TLN2: variants seen among roughly 807,000 people sequenced by gnomAD.
The protein encoded by TLN2 is talin 2, also known as talin-2.
TLN2 carries 118 observed loss-of-function variants against 294.7 expected under a neutral mutation model. The ratio of observed to expected loss-of-function variants is 0.40; its 90% CI spans 0.34 to 0.47. The LOEUF is 0.47. Among genes scored for constraint, TLN2 ranks in the 20% least tolerant of loss-of-function variants. The probability of loss-of-function intolerance (pLI) is 0.84; values close to 1 mark genes in which losing one functional copy is unlikely to be tolerated. For missense variants in TLN2, 3,083 were observed against 3,282.2 expected (o/e 0.94, Z 1.48); for synonymous variants, 1,431 against 1,304.5 (o/e 1.10, Z -2.09).
intron 15 of TLN2, among the ~76,000 whole-genome samples, chr15:62,698,105 G>A (rs1459746839): frequency 6.6e-6 from 1 of 152,208 alleles, no homozygotes; most frequent in Non-Finnish European, 1.5e-5. Flanking sequence ...TGTGTACAGG[G>A]ACAGAACTCT....
At chr15:62,619,070 G>A (rs1479157501) in intron 3 of TLN2, among the ~76,000 whole-genome samples, 1 of 150,968 alleles carries the variant, frequency 6.6e-6, no homozygotes, top group African/African-American at 2.4e-5. Flanking sequence ...ATGTTTCTTG[G>A]ATGCTGAGAT....
chr15:62,683,510 TGGTAGAATG>T (rs2057028988), intron 11 of TLN2, among the ~76,000 whole-genome samples: 1 of 137,454 alleles, frequency 7.3e-6, no homozygotes, highest in Non-Finnish European at 1.6e-5. Context: ...CGCCTCTCAT[TGGTAGAATG>T]CCTGCATTCT....
At chr15:62,594,630 A>G (rs1373271084) in intron 2 of TLN2, among the ~76,000 whole-genome samples, 1 of 152,350 alleles carries the variant, frequency 6.6e-6, no homozygotes, top group African/African-American at 2.4e-5. Flanking sequence ...ATTAGACCAT[A>G]TCTCACATTA....
At chr15:62,816,346 A>G (rs932337610) in intron 52 of TLN2, among the ~76,000 whole-genome samples, 2 of 152,246 alleles carry the variant, frequency 1.3e-5, no homozygotes, top group African/African-American at 4.8e-5. Context: ...TCACAGTTCA[A>G]TATTTCTGCA....
chr15:62,446,550 T>C (rs1298921782), intron 1 of TLN2, among the ~76,000 whole-genome samples: 1 of 152,230 alleles, frequency 6.6e-6, no homozygotes, highest in Non-Finnish European at 1.5e-5. Flanking sequence ...ACTTGGGTTC[T>C]AGTCATGGTT....
At chr15:62,630,445 GGT>G (rs1362149148) in intron 3 of TLN2, among the ~76,000 whole-genome samples, 1 of 152,160 alleles carries the variant, frequency 6.6e-6, no homozygotes, top group Non-Finnish European at 1.5e-5. Context: ...CTGGCCCTGC[GGT>G]CATACTGGTG....
chr15:62,679,221 T>G (rs1443862492), intron 11 of TLN2, among the ~76,000 whole-genome samples: 1 of 152,178 alleles, frequency 6.6e-6, no homozygotes, highest in East Asian at 1.9e-4. Flanking sequence ...TGTCATTTCC[T>G]CAGTTGATTA....
Position 62,725,051 on chromosome 15 carries a change from G to T in TLN2, c.3202G>T (p.Asp1068Tyr), listed in dbSNP as rs1200565613. 4 of 1,613,192 alleles carry T rather than the reference G, an allele frequency of 2.5e-6. No individual in the cohort carries two copies. The highest frequency in any genetic ancestry group is 3.4e-6 in the Non-Finnish European group (4 of 1,179,698). ...TVQTLKNELQ[D>Y]AKMAAVESQL... Reference sequence around the variant, plus strand: ...GCAGACGCTTAAGAATGAACTGCAGGATGCCAAGATGGCAGCCGTGGAGAG... The same window carrying T: ...GCAGACGCTTAAGAATGAACTGCAGTATGCCAAGATGGCAGCCGTGGAGAG... Residue 1068 changes from aspartate to tyrosine, a missense_variant, in exon 27 of 59, where the codon GAT (aspartate) becomes TAT (tyrosine). Asp to Tyr is a radical substitution (Grantham distance 160). Coordinates refer to ENST00000636159, the MANE Select transcript of TLN2 (RefSeq NM_015059.3).
At chr15:62,488,372 G>A (rs1206974941) in intron 1 of TLN2, among the ~76,000 whole-genome samples, 1 of 152,128 alleles carries the variant, frequency 6.6e-6, no homozygotes, top group Non-Finnish European at 1.5e-5. Flanking sequence ...GTCAGGAAAG[G>A]CTTAACCAAG....
intron 1 of TLN2, among the ~76,000 whole-genome samples, chr15:62,577,242 G>C (rs1046900684): frequency 6.6e-6 from 1 of 152,142 alleles, no homozygotes; most frequent in East Asian, 1.9e-4. Flanking sequence ...TCGGGCATTC[G>C]AGACCAGCCT....
chr15:62,728,591 G>A (rs1429289738), intron 28 of TLN2, among the ~76,000 whole-genome samples: 1 of 152,104 alleles, frequency 6.6e-6, no homozygotes, highest in Non-Finnish European at 1.5e-5. Context: ...TTTAACTTTA[G>A]CCCTTTTGGT....
chr15:62,631,566 CCTTTCCTTT>C (rs1486203468), intron 3 of TLN2, among the ~76,000 whole-genome samples: 4 of 138,858 alleles, frequency 2.9e-5, no homozygotes, highest in South Asian at 2.3e-4. Context: ...CCTTTCCTTT[CCTTTCCTTT>C]CTTTCTCTCT....
In TLN2 at chr15:62,574,579, C is replaced by CAAAAAAAAAAAAAAAA. The variant is rs56279063; in HGVS notation, c.-237-15083_-237-15068dup. On this transcript the variant is annotated intron_variant, in intron 1 of 58. Transcript: ENST00000636159. ...TGGGCAACAGGATGAGACCCTGTCT[C>CAAAAAAAAAAAAAAAA]AAAAAAAAAAAAAAAAAAAAAAAAA... Among the ~76,000 whole-genome samples the CAAAAAAAAAAAAAAAA allele has an allele frequency of 4.1e-4, 19 of 46,484 alleles. 3 individuals are homozygous for CAAAAAAAAAAAAAAAA. The highest frequency in any genetic ancestry group is 1.8e-3 in the East Asian group (2 of 1,112). The allele number at this position is 46,484 out of a possible 152,430, so 30.5% of individuals were successfully genotyped here. A position where few individuals can be genotyped will look rare whatever the true frequency, so the allele number is the denominator to read the frequency against.
chr15:62,415,474 T>A (rs1424050294), intron 1 of TLN2, among the ~76,000 whole-genome samples: 2 of 142,662 alleles, frequency 1.4e-5, no homozygotes, highest in African/African-American at 2.5e-5. Flanking sequence ...TAAGAAACGT[T>A]TCCTGGTGGA....
At chr15:62,772,191 G>A (rs6494355) in intron 42 of TLN2, among the ~76,000 whole-genome samples, 149,548 of 152,190 alleles carry the variant, frequency 0.98, 73,524 homozygotes, top group Middle Eastern at 1. Flanking sequence ...TCCCGGCCTC[G>A]AGCAATCCTC....
chr15:62,588,665 C>CATATATATATAT (rs3055752), intron 1 of TLN2, among the ~76,000 whole-genome samples: 5 of 71,444 alleles, frequency 7.0e-5, no homozygotes, highest in Non-Finnish European at 5.5e-5. Context: ...ACATTTTTTT[C>CATATATATATAT]ATATATATAT....
chr15:62,676,265 A>C (rs781298618), intron 11 of TLN2, among the ~76,000 whole-genome samples: 2 of 152,212 alleles, frequency 1.3e-5, no homozygotes, highest in African/African-American at 4.8e-5. Context: ...GAGAGGAGAT[A>C]CCAAGATGTT....
At chr15:62,730,384 T>G (rs899955014) in intron 28 of TLN2, among the ~76,000 whole-genome samples, 47 of 152,154 alleles carry the variant, frequency 3.1e-4, no homozygotes, top group African/African-American at 1.1e-3. Flanking sequence ...CAATACAGTC[T>G]CAGTGTTGTT....
chr15:62,630,285 A>T (rs763666344), intron 3 of TLN2, among the ~76,000 whole-genome samples: 3 of 152,198 alleles, frequency 2.0e-5, no homozygotes, highest in Non-Finnish European at 4.4e-5. Context: ...TTTAGACTAG[A>T]TGACTTCTAA....
Sources: allele counts gnomAD v4.1 joint callset (sites outside exome capture counted in the v4.1 genomes callset), GRCh38; gene constraint gnomAD v4.1.1; transcripts MANE v1.5; gene names NCBI Gene and HGNC (gene_info 2026-07-23, HGNC 2026-07-21).